Variants in RAB11FIP4 observed in about 807,000 individuals in gnomAD.
RAB11FIP4 encodes the protein RAB11 family interacting protein 4.
Under a neutral mutation model 74.3 loss-of-function variants are expected in RAB11FIP4, and 23 were observed. The observed-to-expected ratio is 0.31, with a 90% CI of 0.22 to 0.44. The LOEUF (loss-of-function observed/expected upper bound fraction) is 0.44, where lower values mean the gene tolerates loss of function less well. RAB11FIP4 is among the 20% of genes least tolerant of loss of function. The pLI, the probability that RAB11FIP4 is intolerant of heterozygous loss-of-function variation, is 1.00. For synonymous variants in RAB11FIP4, 360 were observed against 359.9 expected, an observed-to-expected ratio of 1.00 and a Z score of 0.00; for missense variants, 630 against 863.9, an observed-to-expected ratio of 0.73 and a Z score of 3.39.
rs910382343 is a variant in RAB11FIP4 at position 31,488,138 on chromosome 17, C to T, written c.337-29513C>T. 8 of 1,043,592 alleles carry T rather than the reference C, an allele frequency of 7.7e-6. No individual in the cohort carries two copies. In the African/African-American group the frequency reaches 1.0e-4, roughly 13 times the overall value. The allele number at this position is 1,043,592 out of a possible 1,614,324, so 64.6% of individuals were successfully genotyped here. A position where few individuals can be genotyped will look rare whatever the true frequency, so the allele number is the denominator to read the frequency against. ...TGCCCAGAAGTGCGAGCGGCAGCGGCGCGGCCGCGATTGTTCCTGCGCTTC... is the reference window on the plus strand; with the variant it reads ...TGCCCAGAAGTGCGAGCGGCAGCGGTGCGGCCGCGATTGTTCCTGCGCTTC... On this transcript the variant is annotated intron_variant, in intron 3 of 14. Transcript: ENST00000621161.
chr17:31,505,469 AT>A (rs1567681026), intron 3 of RAB11FIP4, among the ~76,000 whole-genome samples: 1 of 89,452 alleles, frequency 1.1e-5, no homozygotes, highest in Non-Finnish European at 2.1e-5. Flanking sequence ...ATAACATATA[AT>A]AATAATTATA....
intron 1 of RAB11FIP4, among the ~76,000 whole-genome samples, chr17:31,419,589 C>T (rs1408856013): frequency 1.0e-4 from 15 of 146,372 alleles, no homozygotes; most frequent in South Asian, 8.6e-4. Flanking sequence ...CTCACTCTGT[C>T]GCCCAGGCTA....
At chr17:31,505,704 A>C (rs919090931) in intron 3 of RAB11FIP4, among the ~76,000 whole-genome samples, 3 of 120,072 alleles carry the variant, frequency 2.5e-5, no homozygotes, top group African/African-American at 9.3e-5. Context: ...ATTATATATA[A>C]TATATTAATA....
intron 3 of RAB11FIP4, among the ~76,000 whole-genome samples, chr17:31,510,981 C>T (rs910928530): frequency 6.6e-6 from 1 of 152,112 alleles, no homozygotes; most frequent in African/African-American, 2.4e-5. Context: ...GTGATTGCGC[C>T]ACTGCATTCC....
intron 3 of RAB11FIP4, among the ~76,000 whole-genome samples, chr17:31,469,082 C>T (rs1489439388): frequency 6.6e-6 from 1 of 152,120 alleles, no homozygotes; most frequent in Non-Finnish European, 1.5e-5. Flanking sequence ...TTCTTATTGC[C>T]CTCAGGGTTC....
chr17:31,466,612 G>T (rs921686922), intron 3 of RAB11FIP4, among the ~76,000 whole-genome samples: 1 of 152,114 alleles, frequency 6.6e-6, no homozygotes, highest in Non-Finnish European at 1.5e-5. Flanking sequence ...TTCCTGCCTG[G>T]GCGTCTACCG....
intron 3 of RAB11FIP4, among the ~76,000 whole-genome samples, chr17:31,499,257 C>T (rs959804795): frequency 3.3e-5 from 5 of 152,180 alleles, no homozygotes; most frequent in African/African-American, 9.7e-5. Flanking sequence ...TTTTGTGTGA[C>T]TCCAAAGGGG....
intron 3 of RAB11FIP4, among the ~76,000 whole-genome samples, chr17:31,486,929 CAAGAGG>C (rs1892615933): frequency 6.6e-6 from 1 of 152,126 alleles, no homozygotes; most frequent in African/African-American, 2.4e-5. Context: ...AGTTGACAGC[CAAGAGG>C]CAGAGAAGTG....
In RAB11FIP4 at chr17:31,392,001, A is replaced by G. The variant is rs769247292; in HGVS notation, c.149A>G (p.Gln50Arg). 1.0e-4 allele frequency: 135 copies of G among 1,325,768 alleles called. No individual in the cohort carries two copies. The highest frequency in any genetic ancestry group is 5.7e-4 in the East Asian group (18 of 31,786). The allele number at this position is 1,325,768 out of a possible 1,614,324, so 82.1% of individuals were successfully genotyped here. Residue 50 changes from glutamine (Q) to arginine (R), a missense_variant, in exon 1 of 15, where the codon CAG becomes CGG. Gln to Arg is a conservative substitution (Grantham distance 43). Coordinates refer to ENST00000621161, the MANE Select transcript of RAB11FIP4 (RefSeq NM_032932.6). ...GCGGCGCTCGGACTGCGCTTCGGCC[A>G]GGGCGAGGAGGTAAGCTGGCCCGAC... ...RVAALGLRFG[Q>R]GEEVEKLVKY... is the part of the protein sequence containing the mutation.
intron 3 of RAB11FIP4, among the ~76,000 whole-genome samples, chr17:31,464,442 A>G (rs1409729502): frequency 6.6e-6 from 1 of 151,966 alleles, no homozygotes; most frequent in East Asian, 1.9e-4. Flanking sequence ...ATGGGACATT[A>G]TCTCTTTTTT....
intron 3 of RAB11FIP4, among the ~76,000 whole-genome samples, chr17:31,515,429 G>C (rs1388770421): frequency 8.4e-6 from 1 of 118,462 alleles, no homozygotes; most frequent in African/African-American, 2.6e-5. Flanking sequence ...GCCTATCACA[G>C]CACAGGCAGG....
At chr17:31,525,264 G>GT (rs1877101226) in intron 10 of RAB11FIP4, 34 bp downstream of exon 10, 1 of 1,525,844 alleles carries the variant, frequency 6.6e-7, no homozygotes, top group African/African-American at 1.4e-5. Flanking sequence ...TCCCTCAGAG[G>GT]GACCCCCTGT....
At chr17:31,489,406 A>C (rs1396000258) in intron 3 of RAB11FIP4, among the ~76,000 whole-genome samples, 1 of 151,892 alleles carries the variant, frequency 6.6e-6, no homozygotes. Flanking sequence ...AGACCTCTGC[A>C]ATGGGAGCGC....
At chr17:31,463,450 C>T (rs958823957) in intron 3 of RAB11FIP4, among the ~76,000 whole-genome samples, 2 of 152,116 alleles carry the variant, frequency 1.3e-5, no homozygotes, top group African/African-American at 4.8e-5. Flanking sequence ...AATTTTGGCA[C>T]CAACACAGGA....
At chr17:31,402,198 CAT>C in intron 1 of RAB11FIP4, among the ~76,000 whole-genome samples, 1 of 52,548 alleles carries the variant, frequency 1.9e-5, no homozygotes, top group Non-Finnish European at 9.5e-5. Flanking sequence ...TGCATCCATC[CAT>C]CCATCCATCC....
intron 3 of RAB11FIP4, among the ~76,000 whole-genome samples, chr17:31,448,058 T>TGTC (rs1032227394): frequency 3.3e-5 from 5 of 151,268 alleles, no homozygotes; most frequent in African/African-American, 9.7e-5. Context: ...GCGATCCACC[T>TGTC]GTCTCGGCCT....
chr17:31,489,587 T>G (rs1237565335), intron 3 of RAB11FIP4, among the ~76,000 whole-genome samples: 1 of 152,192 alleles, frequency 6.6e-6, no homozygotes, highest in Non-Finnish European at 1.5e-5. Context: ...CAGGGAACAT[T>G]ACACACGGGA....
At chr17:31,450,941 C>A (rs1384210007) in intron 3 of RAB11FIP4, among the ~76,000 whole-genome samples, 2 of 152,066 alleles carry the variant, frequency 1.3e-5, no homozygotes, top group African/African-American at 4.8e-5. Context: ...TCACTCTGAC[C>A]AAGGATCAAG....
intron 1 of RAB11FIP4, chr17:31,431,449 TG>T (rs1323318526): frequency 4.8e-6 from 1 of 207,718 alleles, no homozygotes; most frequent in Non-Finnish European, 9.6e-6. Context: ...GTGGGATTTC[TG>T]GGTCATTTAC....
Sources: allele counts gnomAD v4.1 joint callset (sites outside exome capture counted in the v4.1 genomes callset), GRCh38; gene constraint gnomAD v4.1.1; transcripts MANE v1.5; gene names NCBI Gene and HGNC (gene_info 2026-07-23, HGNC 2026-07-21).